MLIP: variants seen among roughly 807,000 people sequenced by gnomAD.
The protein encoded by MLIP is muscular LMNA-interacting protein.
Under a neutral mutation model 84.8 loss-of-function variants are expected in MLIP, and 79 were observed. The observed-to-expected ratio is 0.93, with a 90% confidence interval of 0.78 to 1.12. The LOEUF (loss-of-function observed/expected upper bound fraction) is 1.12, where lower values mean the gene tolerates loss of function less well. Among genes scored for constraint, MLIP ranks in the 50% most tolerant of loss-of-function variants. The probability of loss-of-function intolerance (pLI) is 0.00; values close to 1 mark genes in which losing one functional copy is unlikely to be tolerated. For missense variants in MLIP, 1,257 were observed against 1,160.6 expected (o/e 1.08, Z -1.21); for synonymous variants, 504 against 463.0 (o/e 1.09, Z -1.14).
chr6:54,175,251 A>G (rs915449914), intron 9 of MLIP, among the ~76,000 whole-genome samples: 1 of 151,922 alleles, frequency 6.6e-6, no homozygotes, highest in Non-Finnish European at 1.5e-5. Flanking sequence ...TTCCCTATAA[A>G]TTTTAGGATT....
intron 8 of MLIP, among the ~76,000 whole-genome samples, chr6:54,167,579 C>T (rs980499118): frequency 2.0e-5 from 3 of 151,802 alleles, no homozygotes; most frequent in Admixed American, 6.6e-5. Context: ...ATTATTTCTG[C>T]TCATCCTCAT....
intron 4 of MLIP, among the ~76,000 whole-genome samples, chr6:54,147,954 T>C (rs1312159496): frequency 6.6e-6 from 1 of 152,176 alleles, no homozygotes; most frequent in Non-Finnish European, 1.5e-5. Context: ...TTTCTTCTTC[T>C]GGGTCTGGCA....
chr6:54,210,127 C>CCACCTCACCTCACCT (rs752688450), intron 11 of MLIP, among the ~76,000 whole-genome samples: 1,178 of 150,432 alleles, frequency 7.8e-3, no homozygotes, highest in Middle Eastern at 0.024. Context: ...CCACACCTGC[C>CCACCTCACCTCACCT]CACCTCACCT....
At chr6:54,089,751 T>C (rs1261106420) in intron 1 of MLIP, among the ~76,000 whole-genome samples, 1 of 152,180 alleles carries the variant, frequency 6.6e-6, no homozygotes, top group African/African-American at 2.4e-5. Flanking sequence ...CAAATTTGTA[T>C]TGAACTTACT....
At position 54,198,211 on chromosome 6, in the gene MLIP, C is replaced by T. The variant is rs554962110; in HGVS notation, c.2590-3894C>T. Among the ~76,000 whole-genome samples the T allele has an allele frequency of 7.9e-5, 12 of 152,188 alleles. No individual in the cohort carries two copies. The South Asian group carries it at 2.3e-3, about 29-fold the overall frequency. On this transcript the variant is annotated intron_variant, in intron 10 of 13. Transcript: ENST00000502396. ...AGATTCGGATTCAGTAGGCTTAGGTCGGGCACTGAGCTTTGGCACTCATAA... is the reference window on the plus strand; with the variant it reads ...AGATTCGGATTCAGTAGGCTTAGGTTGGGCACTGAGCTTTGGCACTCATAA...
chr6:54,120,405 T>A (rs1770342657), intron 1 of MLIP, among the ~76,000 whole-genome samples: 2 of 151,826 alleles, frequency 1.3e-5, no homozygotes, highest in Admixed American at 1.3e-4. Flanking sequence ...CGGCTCATTT[T>A]TTTTTGTATT....
chr6:54,067,890 G>A (rs1232221047), intron 1 of MLIP, among the ~76,000 whole-genome samples: 2 of 99,528 alleles, frequency 2.0e-5, no homozygotes, highest in African/African-American at 5.1e-5. Flanking sequence ...ATCAAGACAC[G>A]ATTGAAAATC....
intron 1 of MLIP, among the ~76,000 whole-genome samples, chr6:54,118,212 C>A (rs1266505348): frequency 2.0e-5 from 3 of 152,156 alleles, no homozygotes; most frequent in Non-Finnish European, 2.9e-5. Flanking sequence ...ATAACCAAAG[C>A]AATTTGAGCA....
chr6:54,221,720 A>G (rs2145757), intron 11 of MLIP, among the ~76,000 whole-genome samples: 105,820 of 137,152 alleles, frequency 0.77, 39,108 homozygotes, highest in Non-Finnish European at 0.84. Context: ...TCATAGATCA[A>G]ATAAAAATAG....
chr6:54,162,209 G>T (rs997794042), intron 8 of MLIP, among the ~76,000 whole-genome samples: 37 of 151,986 alleles, frequency 2.4e-4, no homozygotes, highest in Non-Finnish European at 4.0e-4. Context: ...TAGAATTCAA[G>T]CTGAGACCCA....
chr6:54,193,871 C>T lies in MLIP; in HGVS notation c.2589+3957C>T, dbSNP rs570645295. ...TCACAAAGATATTAACAAAGGCCAG[C>T]GGGGTCTTTTTCCCTGCATAAGATA... On this transcript the variant is annotated intron_variant, in intron 10 of 13. Coordinates refer to ENST00000502396, the MANE Select transcript of MLIP (RefSeq NM_001281747.2). Among the ~76,000 whole-genome samples, 115 of 152,144 alleles carry T rather than the reference C, an allele frequency of 7.6e-4. 1 individual carries two copies. Among genetic ancestry groups the T allele is most frequent in the African/African-American group, 2.8e-3 (115 of 41,512 alleles).
At chr6:54,091,239 G>T (rs1259617971) in intron 1 of MLIP, among the ~76,000 whole-genome samples, 1 of 152,066 alleles carries the variant, frequency 6.6e-6, no homozygotes, top group South Asian at 2.1e-4. Flanking sequence ...AATTGTACCC[G>T]TATTTCCTAT....
chr6:54,035,847 T>A (rs1400506979), intron 1 of MLIP, among the ~76,000 whole-genome samples: 2 of 152,050 alleles, frequency 1.3e-5, no homozygotes, highest in Admixed American at 6.6e-5. Context: ...AAAAGTTTTT[T>A]AAAAAATATA....
At chr6:54,172,853 T>G (rs965813230) in intron 9 of MLIP, among the ~76,000 whole-genome samples, 1 of 151,748 alleles carries the variant, frequency 6.6e-6, no homozygotes, top group Non-Finnish European at 1.5e-5. Context: ...TAATTCAGAC[T>G]AATTAAAGTA....
At chr6:54,249,602 G>A (rs1399674130) in intron 12 of MLIP, among the ~76,000 whole-genome samples, 1 of 151,676 alleles carries the variant, frequency 6.6e-6, no homozygotes, top group Non-Finnish European at 1.5e-5. Flanking sequence ...AGAATTGTGA[G>A]CAGTAAAACC....
At chr6:54,225,434 T>C (rs1376338025) in intron 11 of MLIP, among the ~76,000 whole-genome samples, 1 of 152,314 alleles carries the variant, frequency 6.6e-6, no homozygotes, top group Admixed American at 6.5e-5. Context: ...CCATTATATA[T>C]GCAGTTCGTT....
At chr6:54,252,394 TA>T (rs1782685503) in intron 12 of MLIP, among the ~76,000 whole-genome samples, 1 of 95,908 alleles carries the variant, frequency 1.0e-5, no homozygotes, top group Admixed American at 1.1e-4. Flanking sequence ...TTATAACATA[TA>T]ATATATAATA....
chr6:54,115,108 C>T (rs962925598), intron 1 of MLIP, among the ~76,000 whole-genome samples: 3 of 152,056 alleles, frequency 2.0e-5, no homozygotes, highest in East Asian at 1.9e-4. Context: ...AAGTATAGTA[C>T]GATTGTTGGG....
intron 4 of MLIP, among the ~76,000 whole-genome samples, chr6:54,143,744 G>T (rs562289057): frequency 7.9e-5 from 12 of 152,142 alleles, no homozygotes; most frequent in African/African-American, 2.9e-4. Context: ...AAAAATTTGT[G>T]TTTTTTCATG....
Sources: gnomAD v4.1 joint callset for allele counts (sites outside exome capture counted in the v4.1 genomes callset) on GRCh38, gnomAD v4.1.1 for gene constraint, MANE v1.5 for transcripts, NCBI Gene and HGNC (gene_info 2026-07-23, HGNC 2026-07-21) for gene names.